ARL17B: variants seen among roughly 807,000 people sequenced by gnomAD.
ARL17B encodes ARF like GTPase 17B.
chr17:46,276,139 C>T (rs55964807), intron 4 of ARL17B, among the ~76,000 whole-genome samples: 18,485 of 152,286 alleles, frequency 0.12, 5 homozygotes, highest in Non-Finnish European at 0.18. Flanking sequence ...GATCCGCCCG[C>T]CTCGGCCTCC....
chr17:46,319,212 A>ATTTTTTTTTTTTTTTTTTTTTTTTTTTTT (rs1225879085), intron 3 of ARL17B, among the ~76,000 whole-genome samples: 3 of 1,640 alleles, frequency 1.8e-3, no homozygotes, highest in African/African-American at 5.0e-3. Flanking sequence ...ATTGTGGTCA[A>ATTTTTTTTTTTTTTTTTTTTTTTTTTTTT]TTTTTTTTTT....
chr17:46,334,533 G>T (rs1421807752), downstream of ARL17B: 1 of 18,532 alleles, frequency 5.4e-5, no homozygotes, highest in Non-Finnish European at 1.0e-4. Context: ...CTGGGCTTAA[G>T]GGATCCTCCT....
chr17:46,294,182 G>GC (rs1482114545), downstream of ARL17B, among the ~76,000 whole-genome samples: 3 of 76,412 alleles, frequency 3.9e-5, 1 homozygote, highest in African/African-American at 9.3e-5. Context: ...ACCACACCCG[G>GC]CCCCCCTTCA....
chr17:46,285,412 T>C (rs1461172885), intron 4 of ARL17B, among the ~76,000 whole-genome samples: 1 of 152,120 alleles, frequency 6.6e-6, no homozygotes, highest in Non-Finnish European at 1.5e-5. Flanking sequence ...GACTAGTTTT[T>C]TGTATTTTTA....
chr17:46,286,016 C>G (rs1190587986), intron 4 of ARL17B, among the ~76,000 whole-genome samples: 1 of 152,256 alleles, frequency 6.6e-6, no homozygotes, highest in African/African-American at 2.4e-5. Flanking sequence ...CATCAATGAG[C>G]TCTGCCTCAC....
intron 4 of ARL17B, among the ~76,000 whole-genome samples, chr17:46,275,994 G>T (rs1448324004): frequency 1.3e-5 from 2 of 152,096 alleles, no homozygotes; most frequent in African/African-American, 2.4e-5. Context: ...AGATTCAAGC[G>T]ATTCTCCTGC....
intron 4 of ARL17B, among the ~76,000 whole-genome samples, chr17:46,288,319 T>C (rs1245693242): frequency 6.7e-6 from 1 of 148,630 alleles, no homozygotes; most frequent in African/African-American, 2.5e-5. Flanking sequence ...TTTTTTTTTT[T>C]TTTTTTTTTG....
At chr17:46,277,739 T>C (rs1186269458) in intron 4 of ARL17B, among the ~76,000 whole-genome samples, 4 of 151,654 alleles carry the variant, frequency 2.6e-5, no homozygotes, top group Non-Finnish European at 4.4e-5. Context: ...CTCCTCCTCC[T>C]GGGTTCAAAT....
exon 5 of ARL17B, chr17:46,274,810 T>C (rs1215013161): frequency 6.6e-6 from 1 of 152,482 alleles, no homozygotes; most frequent in Non-Finnish European, 1.5e-5. Flanking sequence ...AACAAAATTT[T>C]CTCGCTTCTG....
chr17:46,340,541 G>T (rs1485671435), intron 3 of ARL17B, among the ~76,000 whole-genome samples: 2 of 64,466 alleles, frequency 3.1e-5, no homozygotes, highest in Non-Finnish European at 7.7e-5. Flanking sequence ...GGTTTTTTTT[G>T]TGTTTTGTTT....
At chr17:46,281,508 C>A (rs556793870) in intron 4 of ARL17B, among the ~76,000 whole-genome samples, 2 of 152,120 alleles carry the variant, frequency 1.3e-5, no homozygotes, top group Non-Finnish European at 2.9e-5. Flanking sequence ...CAGCTCACTG[C>A]AGCCTTGAAC....
At chr17:46,278,402 T>A (rs546206653) in intron 4 of ARL17B, among the ~76,000 whole-genome samples, 39 of 129,434 alleles carry the variant, frequency 3.0e-4, no homozygotes, top group Admixed American at 6.9e-4. Flanking sequence ...TTTTATTTTG[T>A]TTTTTTTTTG....
downstream of ARL17B, chr17:46,330,685 A>G: frequency 3.2e-6 from 1 of 308,714 alleles, no homozygotes. Flanking sequence ...ATGTGAAATC[A>G]CTGTTACTAC....
At chr17:46,332,689 T>G, downstream of ARL17B, 1 of 850,736 alleles carries the variant, frequency 1.2e-6, no homozygotes. Context: ...GTTTTCAGAA[T>G]GCAGTCCTGT....
chr17:46,277,975 C>T (rs974673804), intron 4 of ARL17B, among the ~76,000 whole-genome samples: 9 of 151,450 alleles, frequency 5.9e-5, no homozygotes, highest in African/African-American at 1.7e-4. Flanking sequence ...GATGGAGTCT[C>T]GTTCTTGTCG....
chr17:46,324,659 GATAT>G (rs1245431860), intron 3 of ARL17B, among the ~76,000 whole-genome samples: 1 of 18,174 alleles, frequency 5.5e-5, no homozygotes, highest in African/African-American at 7.7e-5. Flanking sequence ...TTCTTTGCAG[GATAT>G]ATATATAGAT....
rs2049824234 is a variant in ARL17B, at chr17:46,283,461, G to A, written c.*22-8043C>T. 2.0e-5 allele frequency among the ~76,000 whole-genome samples: 3 copies of A among 152,340 alleles called. No homozygotes were observed. The South Asian group carries it at 6.2e-4, about 32-fold the overall frequency. On this transcript the variant is annotated intron_variant, in intron 4 of 4. Coordinates refer to the ARL17B transcript ENST00000570618. ...CTAATTCCATTTAAGATTCCCAGTT[G>A]AGTCACTACATCAATGAACCCAAAA...
chr17:46,351,327 C>A (rs2052734197), intron 3 of ARL17B, among the ~76,000 whole-genome samples: 1 of 23,426 alleles, frequency 4.3e-5, no homozygotes, highest in Non-Finnish European at 1.7e-4. Context: ...TTTGATACAA[C>A]TGGAGAAATT....
intron 3 of ARL17B, among the ~76,000 whole-genome samples, chr17:46,351,812 A>G (rs2052755411): frequency 6.6e-6 from 1 of 152,214 alleles, no homozygotes; most frequent in East Asian, 1.9e-4. Flanking sequence ...ACAGACTCCA[A>G]ATAAATTCTA....
Sources: allele counts gnomAD v4.1 joint callset (sites outside exome capture counted in the v4.1 genomes callset), GRCh38; gene constraint gnomAD v4.1.1; transcripts MANE v1.5; gene names NCBI Gene and HGNC (gene_info 2026-07-23, HGNC 2026-07-21).